Variants in SNX25 observed in about 807,000 individuals in gnomAD.
SNX25 encodes sorting nexin-25.
A neutral mutation model predicts 113.7 loss-of-function variants in SNX25; 62 were observed. That is an observed-to-expected ratio of 0.55 (90% CI 0.44 to 0.67). The LOEUF (loss-of-function observed/expected upper bound fraction) is 0.67. Ranked by LOEUF, SNX25 falls within the 30% of genes least tolerant of loss-of-function variation. SNX25 has a pLI of 0.00. For missense variants in SNX25, 1,014 were observed against 1,161.0 expected (o/e 0.87, Z 1.84); for synonymous variants, 421 against 436.2 (o/e 0.97, Z 0.43).
chr4:185,240,818 A>T (rs1020947758), intron 1 of SNX25, among the ~76,000 whole-genome samples: 2 of 149,486 alleles, frequency 1.3e-5, no homozygotes, highest in Admixed American at 1.3e-4. Flanking sequence ...GTTGCCAGGC[A>T]GAGGGTCTCC....
At chr4:185,352,067 A>T (rs1203944450) in intron 14 of SNX25, among the ~76,000 whole-genome samples, 1 of 152,122 alleles carries the variant, frequency 6.6e-6, no homozygotes, top group Non-Finnish European at 1.5e-5. Flanking sequence ...CCAGGCTGAG[A>T]GTTTAGGCTG....
rs2095213848 is a variant in SNX25 at position 185,334,018 on chromosome 4, C to T, written c.1914+1259C>T. The stretch of plus-strand genomic sequence containing the variant: ...GAGCCGTGATCATGTTACTGCACTC[C>T]AGACTGGGCAATAGTCTCAAAAAAA... On this transcript the variant is annotated intron_variant, in intron 10 of 18. Transcript: ENST00000652585. The surrounding 1 kb of genome is among the most constrained non-coding windows in gnomAD (Gnocchi z 4.2). 1.4e-5 allele frequency among the ~76,000 whole-genome samples: 2 copies of T among 147,364 alleles called. No homozygotes were observed. Among genetic ancestry groups the T allele is most frequent in the South Asian group, 2.1e-4 (1 of 4,670 alleles).
At chr4:185,356,827 T>C (rs1432778047) in intron 15 of SNX25, among the ~76,000 whole-genome samples, 2 of 152,224 alleles carry the variant, frequency 1.3e-5, no homozygotes, top group African/African-American at 2.4e-5. Flanking sequence ...GAGGTGAATA[T>C]ATAAATGAAA....
At chr4:185,357,604 C>T (rs1225025115) in intron 15 of SNX25, 67 bp from the exon 16 acceptor site, 2 of 1,221,982 alleles carry the variant, frequency 1.6e-6, no homozygotes, top group Admixed American at 3.4e-5. Context: ...ATGCTTTGTA[C>T]AGCTATGAAA....
At chr4:185,276,167 T>G (rs1264544962) in intron 5 of SNX25, among the ~76,000 whole-genome samples, 1 of 152,160 alleles carries the variant, frequency 6.6e-6, no homozygotes. Flanking sequence ...ATTATGTTCT[T>G]GTAGTTGGAG....
chr4:185,268,515 C>G (rs1748461653), intron 5 of SNX25, among the ~76,000 whole-genome samples: 2 of 151,714 alleles, frequency 1.3e-5, no homozygotes. Context: ...TTTTAATGTT[C>G]CCAAATGATA....
At chr4:185,341,229 A>C (rs1028954443) in intron 11 of SNX25, among the ~76,000 whole-genome samples, 12 of 152,230 alleles carry the variant, frequency 7.9e-5, no homozygotes, top group Admixed American at 2.0e-4. Flanking sequence ...GTGTGCACGC[A>C]TGCACACATA....
At chr4:185,215,921 C>G (rs568071007) in intron 1 of SNX25, among the ~76,000 whole-genome samples, 34 of 151,970 alleles carry the variant, frequency 2.2e-4, no homozygotes, top group African/African-American at 7.7e-4. Context: ...CTCACCCTCC[C>G]GAGTAGCTGG....
At chr4:185,310,580 G>A in intron 6 of SNX25, 55 bp from the exon 7 acceptor site, 3 of 1,526,078 alleles carry the variant, frequency 2.0e-6, no homozygotes, top group Non-Finnish European at 8.9e-7. Context: ...CTGAATTGCT[G>A]TGTCCTTTCA....
intron 2 of SNX25, among the ~76,000 whole-genome samples, chr4:185,247,850 T>C (rs978166405): frequency 6.6e-6 from 1 of 152,168 alleles, no homozygotes; most frequent in African/African-American, 2.4e-5. Flanking sequence ...AGGTAAAATA[T>C]GGCTATGTCT....
intron 1 of SNX25, among the ~76,000 whole-genome samples, chr4:185,224,361 A>G (rs908774624): frequency 7.5e-5 from 11 of 146,568 alleles, no homozygotes; most frequent in African/African-American, 2.5e-4. Flanking sequence ...CAAAATATAT[A>G]TATATAAAAA....
At chr4:185,338,365 C>G (rs1368447507) in intron 10 of SNX25, among the ~76,000 whole-genome samples, 1 of 151,372 alleles carries the variant, frequency 6.6e-6, no homozygotes. Flanking sequence ...AACCTCCAAC[C>G]CCTGAGTTCA....
intron 1 of SNX25, among the ~76,000 whole-genome samples, chr4:185,240,842 G>GAT (rs1743798720): frequency 6.7e-6 from 1 of 148,810 alleles, no homozygotes; most frequent in African/African-American, 2.5e-5. Context: ...CTTCTCAGAC[G>GAT]GGGCGGCCGG....
chr4:185,355,308 T>C (rs904797069), intron 15 of SNX25, among the ~76,000 whole-genome samples: 1 of 152,114 alleles, frequency 6.6e-6, no homozygotes, highest in Non-Finnish European at 1.5e-5. Context: ...GAATATATAA[T>C]GTCAATCATC....
chr4:185,304,291 C>A (rs1180591216), intron 6 of SNX25, among the ~76,000 whole-genome samples: 1 of 152,162 alleles, frequency 6.6e-6, no homozygotes, highest in Non-Finnish European at 1.5e-5. Flanking sequence ...CTCAAGTGAT[C>A]CTTCTGCCTC....
At chr4:185,371,485 T>A (rs1451564546), downstream of SNX25, among the ~76,000 whole-genome samples, 3 of 137,984 alleles carry the variant, frequency 2.2e-5, no homozygotes, top group East Asian at 6.3e-4. Context: ...GAGCTTGCAG[T>A]GAGCCGAGAT....
At chr4:185,270,409 T>C (rs901556499) in intron 5 of SNX25, among the ~76,000 whole-genome samples, 1 of 152,210 alleles carries the variant, frequency 6.6e-6, no homozygotes. Flanking sequence ...ACGTCATAAA[T>C]AGGGCAAGAT....
At chr4:185,343,162 A>G (rs2095268924) in intron 12 of SNX25, among the ~76,000 whole-genome samples, 3 of 152,200 alleles carry the variant, frequency 2.0e-5, no homozygotes, top group African/African-American at 7.2e-5. Context: ...AAGAGCTAGG[A>G]TTATAGATGT....
chr4:185,360,911 TCCGTCTCAAAAAAA>T (rs2095358419), intron 16 of SNX25, among the ~76,000 whole-genome samples: 4 of 134,106 alleles, frequency 3.0e-5, no homozygotes, highest in Non-Finnish European at 6.2e-5. Flanking sequence ...AGAGCGAGAC[TCCGTCTCAAAAAAA>T]AAATAATATA....
Sources: gnomAD v4.1 joint callset for allele counts (sites outside exome capture counted in the v4.1 genomes callset) on GRCh38, gnomAD v4.1.1 for gene constraint, Gnocchi (gnomAD v3.1) non-coding constraint, MANE v1.5 for transcripts, NCBI Gene and HGNC (gene_info 2026-07-23, HGNC 2026-07-21) for gene names.